The following CAMK2D variants were observed in gnomAD, a reference collection of about 807,000 sequenced individuals.
CAMK2D encodes calcium/calmodulin dependent protein kinase II delta.
Under a neutral mutation model 84.0 loss-of-function variants are expected in CAMK2D, and 37 were observed. The observed-to-expected ratio is 0.44, with a 90% CI of 0.34 to 0.58. CAMK2D has a LOEUF of 0.58. CAMK2D is among the 20% of genes least tolerant of loss of function. CAMK2D has a pLI of 0.02. For synonymous variants in CAMK2D, 202 were observed against 212.5 expected (o/e 0.95, Z 0.43); for missense variants, 448 against 652.5 (o/e 0.69, Z 3.41).
chr4:113,589,887 T>C (rs888291958), intron 4 of CAMK2D, among the ~76,000 whole-genome samples: 1 of 152,134 alleles, frequency 6.6e-6, no homozygotes, highest in African/African-American at 2.4e-5. Flanking sequence ...GCCCTTGTAC[T>C]CCTACGTTTA....
At chr4:113,474,425 T>C (rs2097579945) in intron 16 of CAMK2D, among the ~76,000 whole-genome samples, 1 of 151,094 alleles carries the variant, frequency 6.6e-6, no homozygotes, top group Non-Finnish European at 1.5e-5. Context: ...AAGAAAAAAA[T>C]TCAGACGTGG....
intron 3 of CAMK2D, among the ~76,000 whole-genome samples, chr4:113,617,187 G>T (rs1207801684): frequency 1.3e-5 from 2 of 152,108 alleles, no homozygotes; most frequent in Admixed American, 6.6e-5. Context: ...TTAAAAAAGG[G>T]CTGGGTGCGG....
In CAMK2D at chr4:113,451,814, T is replaced by C. The variant is rs2097259320; in HGVS notation, c.*2731A>G. On this transcript the variant is annotated 3_prime_UTR_variant, in exon 21 of 21. Coordinates refer to ENST00000511664, the MANE Select transcript of CAMK2D (RefSeq NM_001321571.2). Reference sequence around the variant, plus strand: ...GGAGAGGTAAATACAATCTATTATGTAGGTTTTGAGAGGGAAGGCAAGCCC... The same window carrying C: ...GGAGAGGTAAATACAATCTATTATGCAGGTTTTGAGAGGGAAGGCAAGCCC... 6.6e-6 allele frequency: 1 copy of C among 152,114 alleles called. No homozygotes were observed. The highest frequency in any genetic ancestry group is 6.6e-5 in the Admixed American group (1 of 15,254). 9.4% of individuals were successfully genotyped at this position (152,114 alleles called of 1,614,324 possible). A position where few individuals can be genotyped will look rare whatever the true frequency, so the allele number is the denominator to read the frequency against.
At position 113,736,675 on chromosome 4, in the gene CAMK2D, C is replaced by T. The variant is rs116031619; in HGVS notation, c.160+22645G>A. Among the ~76,000 whole-genome samples, 537 of 152,212 alleles carry T rather than the reference C, an allele frequency of 3.5e-3. 3 individuals carry two copies. The highest frequency in any genetic ancestry group is 0.012 in the African/African-American group (501 of 41,538). On this transcript the variant is annotated intron_variant, in intron 2 of 20. Transcript: ENST00000511664. ...GTACAGGGCATTTCATATTTGAAAA[C>T]ATAACAAACACTATGGCCTTTCATT...
At position 113,453,556 on chromosome 4, in the gene CAMK2D, GACA is replaced by G. The variant is rs1321026068; in HGVS notation, c.*986_*988del. 2 of 152,090 alleles carry G rather than the reference GACA, an allele frequency of 1.3e-5. No individual in the cohort carries two copies. The allele number at this position is 152,090 out of a possible 1,614,324, so 9.4% of individuals were successfully genotyped here. ...CAGAATTATAAACCTTTAAAATCTT[GACA>G]ACATTTTTGTGGGCCCTGAAGATGA... On this transcript the variant is annotated 3_prime_UTR_variant, in exon 21 of 21. Coordinates refer to ENST00000511664, the MANE Select transcript of CAMK2D (RefSeq NM_001321571.2).
chr4:113,689,811 G>A (rs1351921596), intron 2 of CAMK2D, among the ~76,000 whole-genome samples: 1 of 152,122 alleles, frequency 6.6e-6, no homozygotes, highest in African/African-American at 2.4e-5. Context: ...TTGACAACTT[G>A]TATAAAAGAA....
intron 16 of CAMK2D, among the ~76,000 whole-genome samples, chr4:113,476,119 T>C (rs1173334177): frequency 6.6e-5 from 10 of 152,204 alleles, no homozygotes; most frequent in Admixed American, 6.5e-4. Flanking sequence ...GTCAGGAGTA[T>C]GTTGCATTCA....
intron 4 of CAMK2D, among the ~76,000 whole-genome samples, chr4:113,590,278 AAGAC>A (rs2098861701): frequency 6.6e-6 from 1 of 152,200 alleles, no homozygotes; most frequent in Non-Finnish European, 1.5e-5. Flanking sequence ...TCTGATAGGG[AAGAC>A]AGACAGGTTA....
intron 3 of CAMK2D, among the ~76,000 whole-genome samples, chr4:113,628,968 T>C (rs2099078271): frequency 6.6e-6 from 1 of 151,986 alleles, no homozygotes; most frequent in African/African-American, 2.4e-5. Flanking sequence ...CAAGCTCAGT[T>C]GGAAGAACAT....
At chr4:113,614,170 C>A (rs992885125) in intron 3 of CAMK2D, among the ~76,000 whole-genome samples, 3 of 152,076 alleles carry the variant, frequency 2.0e-5, no homozygotes, top group Admixed American at 6.6e-5. Context: ...CAGTACCCCC[C>A]ACACAAAATA....
intron 13 of CAMK2D, among the ~76,000 whole-genome samples, chr4:113,507,037 G>T (rs569778782): frequency 6.6e-6 from 1 of 152,208 alleles, no homozygotes; most frequent in Admixed American, 6.5e-5. Flanking sequence ...AAATGAATAT[G>T]TGCCTCAACC....
At chr4:113,732,307 T>C (rs554530327) in intron 2 of CAMK2D, among the ~76,000 whole-genome samples, 5 of 152,024 alleles carry the variant, frequency 3.3e-5, no homozygotes, top group East Asian at 1.9e-4. Context: ...ATTTTTTGTA[T>C]AGACAGGGTC....
intron 2 of CAMK2D, among the ~76,000 whole-genome samples, chr4:113,710,944 G>A (rs1412984675): frequency 6.6e-6 from 1 of 152,044 alleles, no homozygotes; most frequent in Admixed American, 6.6e-5. Flanking sequence ...TCTGGAATGT[G>A]TTCTACATAA....
rs149155494 is a variant in CAMK2D, at chr4:113,560,173, G to A, written c.276-8077C>T. Among the ~76,000 whole-genome samples the A allele has an allele frequency of 2.5e-3, 375 of 152,050 alleles. 2 individuals are homozygous for A. The highest frequency in any genetic ancestry group is 4.1e-3 in the Non-Finnish European group (280 of 67,998). ...ATTTAAATGGTCCTTCTTGTTTTGC[G>A]GATACCAGGACATCCCCTACCAAGT... On this transcript the variant is annotated intron_variant, in intron 4 of 20. Transcript: ENST00000511664.
chr4:113,463,468 C>T (rs1017315592), intron 17 of CAMK2D, among the ~76,000 whole-genome samples: 6 of 152,164 alleles, frequency 3.9e-5, no homozygotes, highest in African/African-American at 1.4e-4. Flanking sequence ...CCTCTGCCTC[C>T]TGGGTTCAAG....
At chr4:113,715,744 C>T (rs2099511510) in intron 2 of CAMK2D, among the ~76,000 whole-genome samples, 1 of 152,110 alleles carries the variant, frequency 6.6e-6, no homozygotes, top group Non-Finnish European at 1.5e-5. Flanking sequence ...GATTGTGTAA[C>T]AAAAAGTTTC....
chr4:113,648,171 T>C (rs1158224065), intron 3 of CAMK2D, among the ~76,000 whole-genome samples: 2 of 152,236 alleles, frequency 1.3e-5, no homozygotes, highest in African/African-American at 4.8e-5. Context: ...AAGAAGCCTA[T>C]ACTGCATTTT....
At chr4:113,492,339 G>T (rs931757056) in intron 16 of CAMK2D, among the ~76,000 whole-genome samples, 9 of 152,088 alleles carry the variant, frequency 5.9e-5, no homozygotes, top group Non-Finnish European at 7.4e-5. Context: ...CTGGTATGTT[G>T]TGTCTTTGTT....
chr4:113,466,090 G>GA (rs1038019736), intron 16 of CAMK2D, among the ~76,000 whole-genome samples: 2 of 150,152 alleles, frequency 1.3e-5, no homozygotes, highest in Non-Finnish European at 1.5e-5. Flanking sequence ...CATCTCTACT[G>GA]AAAAAAAAAT....
Sources: gnomAD v4.1 joint callset for allele counts (sites outside exome capture counted in the v4.1 genomes callset) on GRCh38, gnomAD v4.1.1 for gene constraint, MANE v1.5 for transcripts, NCBI Gene and HGNC (gene_info 2026-07-23, HGNC 2026-07-21) for gene names.